The following ZNF385B variants were observed in gnomAD, a reference collection of about 807,000 sequenced individuals.
The protein encoded by ZNF385B is zinc finger protein 533.
A neutral mutation model predicts 39.2 loss-of-function variants in ZNF385B; 23 were observed. The observed-to-expected ratio is 0.59, with a 90% confidence interval of 0.42 to 0.83. The LOEUF (loss-of-function observed/expected upper bound fraction) is 0.83, where lower values mean the gene tolerates loss of function less well. Ranked by LOEUF, ZNF385B falls within the 40% of genes least tolerant of loss-of-function variation. The pLI is 0.00. For missense variants in ZNF385B, 552 were observed against 598.9 expected (o/e 0.92, Z 0.82); for synonymous variants, 205 against 222.6 (o/e 0.92, Z 0.70).
chr2:179,858,274 T>C (rs79732123), intron 1 of ZNF385B, among the ~76,000 whole-genome samples: 8,011 of 152,218 alleles, frequency 0.053, 297 homozygotes, highest in Middle Eastern at 0.078. Context: ...GGAGAAATAT[T>C]AAAATTGACA....
chr2:179,799,856 T>C (rs1705918565), intron 1 of ZNF385B, among the ~76,000 whole-genome samples: 1 of 152,136 alleles, frequency 6.6e-6, no homozygotes, highest in Non-Finnish European at 1.5e-5. Context: ...TAACGTCAAC[T>C]GTGAATGAGA....
At chr2:179,594,013 G>A (rs1687788840) in intron 3 of ZNF385B, among the ~76,000 whole-genome samples, 1 of 147,878 alleles carries the variant, frequency 6.8e-6, no homozygotes, top group Admixed American at 6.9e-5. Context: ...GGAAGATCAG[G>A]CAGACTTCTT....
chr2:179,745,453 G>A (rs1322777800), intron 3 of ZNF385B, among the ~76,000 whole-genome samples: 2 of 152,228 alleles, frequency 1.3e-5, no homozygotes, highest in Admixed American at 1.3e-4. Context: ...AAATGCAAAG[G>A]AAGTCACCTA....
chr2:179,631,209 A>G (rs1401556560), intron 3 of ZNF385B, among the ~76,000 whole-genome samples: 2 of 152,164 alleles, frequency 1.3e-5, no homozygotes, highest in Non-Finnish European at 2.9e-5. Flanking sequence ...ACCACAGGAC[A>G]TGTAATTGTC....
chr2:179,771,358 C>G (rs1211945291), intron 1 of ZNF385B, among the ~76,000 whole-genome samples: 1 of 152,130 alleles, frequency 6.6e-6, no homozygotes, highest in Non-Finnish European at 1.5e-5. Flanking sequence ...CAAAAAATCT[C>G]CTTGTTTATA....
chr2:179,798,152 T>C (rs1705795266), intron 1 of ZNF385B, among the ~76,000 whole-genome samples: 2 of 152,066 alleles, frequency 1.3e-5, no homozygotes, highest in South Asian at 4.2e-4. Context: ...CTGATATTAT[T>C]TGAATTTATA....
chr2:179,723,075 G>A (rs1326411970), intron 3 of ZNF385B, among the ~76,000 whole-genome samples: 4 of 152,134 alleles, frequency 2.6e-5, no homozygotes, highest in Non-Finnish European at 5.9e-5. Flanking sequence ...TGCAGAGGAT[G>A]TGACACAATA....
At chr2:179,667,867 T>C (rs1030256103) in intron 3 of ZNF385B, among the ~76,000 whole-genome samples, 1 of 152,174 alleles carries the variant, frequency 6.6e-6, no homozygotes, top group African/African-American at 2.4e-5. Context: ...TGTATTTAAG[T>C]CCCAGCCAGC....
intron 1 of ZNF385B, among the ~76,000 whole-genome samples, chr2:179,792,605 C>T (rs1705410302): frequency 7.0e-6 from 1 of 142,568 alleles, no homozygotes; most frequent in Non-Finnish European, 1.6e-5. Flanking sequence ...AAACTCCTGA[C>T]CTCAGGTGAT....
chr2:179,633,782 A>G (rs1046785995), intron 3 of ZNF385B, among the ~76,000 whole-genome samples: 18 of 152,204 alleles, frequency 1.2e-4, no homozygotes, highest in African/African-American at 4.3e-4. Context: ...TGCAGATGAC[A>G]TGATTGTATA....
At chr2:179,504,026 C>G (rs148306409) in intron 5 of ZNF385B, among the ~76,000 whole-genome samples, 22,040 of 146,364 alleles carry the variant, frequency 0.15, 2,064 homozygotes, top group South Asian at 0.22. Flanking sequence ...TCCCTCCCCC[C>G]TCTCCCCACC....
intron 1 of ZNF385B, among the ~76,000 whole-genome samples, chr2:179,816,103 G>A (rs1707048563): frequency 6.6e-6 from 1 of 151,986 alleles, no homozygotes; most frequent in Admixed American, 6.6e-5. Context: ...AAACTGCCAA[G>A]AAGCAACCCC....
chr2:179,694,985 AG>A, intron 3 of ZNF385B, among the ~76,000 whole-genome samples: 1 of 150,068 alleles, frequency 6.7e-6, no homozygotes. Flanking sequence ...GAGGAGGAGG[AG>A]GAGAAGAAAA....
chr2:179,717,012 G>A (rs1700370656), intron 3 of ZNF385B, among the ~76,000 whole-genome samples: 1 of 152,086 alleles, frequency 6.6e-6, no homozygotes, highest in Admixed American at 6.6e-5. Flanking sequence ...CCAACCCACA[G>A]ATACTCTGAG....
intron 1 of ZNF385B, among the ~76,000 whole-genome samples, chr2:179,823,647 G>A (rs1485598204): frequency 6.6e-6 from 1 of 152,016 alleles, no homozygotes; most frequent in Non-Finnish European, 1.5e-5. Context: ...GTAGGATGAT[G>A]AATTTTCCTA....
At chr2:179,802,307 T>C (rs756948883) in intron 1 of ZNF385B, among the ~76,000 whole-genome samples, 5 of 152,126 alleles carry the variant, frequency 3.3e-5, no homozygotes, top group Non-Finnish European at 5.9e-5. Context: ...ATCATCCATT[T>C]AAAATGCTAC....
At chr2:179,504,145 C>T (rs1212226699) in intron 5 of ZNF385B, among the ~76,000 whole-genome samples, 53 of 149,274 alleles carry the variant, frequency 3.6e-4, no homozygotes, top group East Asian at 8.1e-4. Flanking sequence ...TTTGTTCTTG[C>T]GATAGTTTAC....
chr2:179,761,664 G>T (rs558121675), intron 3 of ZNF385B, among the ~76,000 whole-genome samples: 3 of 150,320 alleles, frequency 2.0e-5, no homozygotes, highest in Non-Finnish European at 4.4e-5. Context: ...CTGCAGCCTC[G>T]ACCTCTTGAG....
intron 4 of ZNF385B, among the ~76,000 whole-genome samples, chr2:179,542,670 C>T (rs1442783787): frequency 6.6e-6 from 1 of 152,030 alleles, no homozygotes; most frequent in Admixed American, 6.6e-5. Context: ...TGTTTTACAG[C>T]TCTTCAAAAC....
Sources: allele counts gnomAD v4.1 joint callset (sites outside exome capture counted in the v4.1 genomes callset), GRCh38; gene constraint gnomAD v4.1.1; transcripts MANE v1.5; gene names NCBI Gene and HGNC (gene_info 2026-07-23, HGNC 2026-07-21).